The following HEPHL1 variants were observed in gnomAD, a reference collection of about 807,000 sequenced individuals.
The protein encoded by HEPHL1 is ferroxidase HEPHL1.
In HEPHL1, 123 loss-of-function variants were observed where a neutral mutation model predicts 122.0. That is an observed-to-expected ratio of 1.01 (90% CI 0.87 to 1.17). The LOEUF is 1.17. Among genes scored for constraint, HEPHL1 ranks in the 50% most tolerant of loss-of-function variants. HEPHL1 has a pLI of 0.00. For synonymous variants in HEPHL1, 527 were observed against 508.9 expected (o/e 1.04, Z -0.48); for missense variants, 1,452 against 1,430.5 (o/e 1.01, Z -0.24).
intron 12 of HEPHL1, among the ~76,000 whole-genome samples, chr11:94,090,647 T>A (rs1946257607): frequency 6.6e-6 from 1 of 152,178 alleles, no homozygotes; most frequent in Non-Finnish European, 1.5e-5. Flanking sequence ...TAGATAACAA[T>A]TCAGTATGGA....
intron 13 of HEPHL1, among the ~76,000 whole-genome samples, chr11:94,098,121 T>C (rs941190009): frequency 6.6e-6 from 1 of 152,244 alleles, no homozygotes; most frequent in African/African-American, 2.4e-5. Flanking sequence ...CGATGATCTT[T>C]ACAATTTGGC....
intron 2 of HEPHL1, among the ~76,000 whole-genome samples, 179 bp downstream of exon 2, chr11:94,046,096 T>TTTTTTTC (rs1945835214): frequency 1.8e-5 from 2 of 111,414 alleles, no homozygotes; most frequent in South Asian, 7.0e-4. Flanking sequence ...TCTTGCTTTT[T>TTTTTTTC]TTTTTTTTTT....
chr11:94,090,276 C>T (rs1356573187), intron 12 of HEPHL1, among the ~76,000 whole-genome samples: 1 of 152,062 alleles, frequency 6.6e-6, no homozygotes, highest in East Asian at 1.9e-4. Context: ...TCCAATCTGG[C>T]CCTTTCTAAA....
At position 94,082,514 on chromosome 11, in the gene HEPHL1, C is replaced by A; in HGVS notation, c.1813C>A (p.Pro605Thr). The A allele has an allele frequency of 6.2e-7, 1 of 1,613,276 alleles. No homozygotes were observed. Among genetic ancestry groups the A allele is most frequent in the Non-Finnish European group, 8.5e-7 (1 of 1,179,396 alleles). Residue 605 changes from proline (P) to threonine (T), a missense_variant, in exon 10 of 20, where the codon CCC (proline) becomes ACC (threonine). Pro to Thr is a conservative substitution (Grantham distance 38, BLOSUM62 -1). Coordinates refer to ENST00000315765, the MANE Select transcript of HEPHL1 (RefSeq NM_001098672.2). ...DENIQKFIWH[P>T]FSIDKEDKEF... ...AAACATTCAGAAGTTTATCTGGCAT[C>A]CCTTCAGCATTGACAAAGAAGATAA...
rs754353752 is a variant in HEPHL1 at position 94,070,547 on chromosome 11, G to A, written c.1232+5G>A. ...TCCTCTAAACGCCTCTGGCAGGTAA[G>A]CACCCTTTGTTGGTGTTTCTAAGCC... On this transcript the variant is annotated splice_donor_5th_base_variant and intron_variant, in intron 6 of 19. Coordinates refer to ENST00000315765, the MANE Select transcript of HEPHL1 (RefSeq NM_001098672.2). 2.9e-5 allele frequency: 46 copies of A among 1,605,522 alleles called. 1 individual carries two copies. Among genetic ancestry groups the A allele is most frequent in the African/African-American group, 1.1e-4 (8 of 74,702 alleles).
At position 94,101,295 on chromosome 11, in the gene HEPHL1, G is replaced by C. The variant is rs1432065252; in HGVS notation, c.2535G>C (p.Met845Ile). ...YSISAQGVEE[M>I]DSGKQFQVPM... ...TCTCAGCCCAGGGTGTGGAGGAGAT[G>C]GATAGTGGAAAGCAATTCCAAGTGC... The change falls in exon 14 of 20, where the codon ATG becomes ATC. Residue 845 changes from methionine to isoleucine, a missense_variant. Coordinates refer to ENST00000315765, the MANE Select transcript of HEPHL1 (RefSeq NM_001098672.2). 1 of 1,613,848 alleles carries C rather than the reference G, an allele frequency of 6.2e-7. No homozygotes were observed. The highest frequency in any genetic ancestry group is 8.5e-7 in the Non-Finnish European group (1 of 1,179,816).
intron 1 of HEPHL1, among the ~76,000 whole-genome samples, chr11:94,023,803 C>T (rs1055933745): frequency 1.3e-5 from 2 of 152,134 alleles, no homozygotes; most frequent in Admixed American, 6.6e-5. Context: ...ATGCAGTGGA[C>T]GTTGGCTTTT....
intron 8 of HEPHL1, 137 bp from the exon 9 acceptor site, chr11:94,075,037 A>T: frequency 1.5e-6 from 1 of 664,348 alleles, no homozygotes; most frequent in South Asian, 1.8e-5. Flanking sequence ...TTCTGGTAGG[A>T]TACATAAGAG....
intron 1 of HEPHL1, among the ~76,000 whole-genome samples, chr11:94,037,560 C>T (rs1465595801): frequency 2.0e-5 from 3 of 152,136 alleles, no homozygotes; most frequent in East Asian, 3.9e-4. Context: ...GGTCCCTGAC[C>T]CCTGACCCCC....
In HEPHL1 at chr11:94,106,124, T is replaced by G; in HGVS notation, c.3039T>G (p.Leu1013=). The G allele has an allele frequency of 6.4e-7, 1 of 1,556,208 alleles. No individual in the cohort carries two copies. Among genetic ancestry groups the G allele is most frequent in the Non-Finnish European group, 8.7e-7 (1 of 1,143,884 alleles). Reference sequence around the variant, plus strand: ...TCCATTATCATGCTGAGAGCTTTCTTTTCAAAGTAAGTATAAGGAAAGTGC... The same window carrying G: ...TCCATTATCATGCTGAGAGCTTTCTGTTCAAAGTAAGTATAAGGAAAGTGC... ...HTIHYHAESF[L]FKIDKSYRED... The change falls in exon 17 of 20, where the codon CTT becomes CTG. Residue 1013 remains leucine (L), a synonymous_variant. Coordinates refer to ENST00000315765, the MANE Select transcript of HEPHL1 (RefSeq NM_001098672.2).
chr11:94,021,595 G>A, intron 1 of HEPHL1, 57 bp downstream of exon 1: 1 of 1,336,482 alleles, frequency 7.5e-7, no homozygotes, highest in Non-Finnish European at 1.0e-6. Context: ...TTGACTTTGT[G>A]TGGGGAAGGT....
At chr11:94,071,473 C>T (rs1946073124) in intron 6 of HEPHL1, among the ~76,000 whole-genome samples, 1 of 152,056 alleles carries the variant, frequency 6.6e-6, no homozygotes. Context: ...TAGTATTTCT[C>T]CATAAACAGA....
intron 11 of HEPHL1, among the ~76,000 whole-genome samples, chr11:94,088,062 A>T (rs72968745): frequency 0.11 from 16,791 of 152,204 alleles, 965 homozygotes; most frequent in Admixed American, 0.14. Context: ...TGGTGAGTTA[A>T]GAAATATCTA....
intron 14 of HEPHL1, among the ~76,000 whole-genome samples, chr11:94,102,579 T>A (rs1162844107): frequency 6.6e-6 from 1 of 152,206 alleles, no homozygotes; most frequent in Non-Finnish European, 1.5e-5. Flanking sequence ...ATGACAAAGA[T>A]GTGCTCAAGG....
chr11:94,035,458 G>A (rs556241507), intron 1 of HEPHL1, among the ~76,000 whole-genome samples: 34 of 152,328 alleles, frequency 2.2e-4, no homozygotes, highest in African/African-American at 7.9e-4. Context: ...AAACAGAGGC[G>A]ATGCCTGTGG....
intron 13 of HEPHL1, among the ~76,000 whole-genome samples, chr11:94,095,944 A>G (rs1487444723): frequency 6.6e-6 from 1 of 152,214 alleles, no homozygotes; most frequent in African/African-American, 2.4e-5. Context: ...TTTTCTAAAT[A>G]TACAACCATG....
At chr11:94,067,849 T>G (rs1946046947) in intron 5 of HEPHL1, 99 bp downstream of exon 5, 4 of 933,196 alleles carry the variant, frequency 4.3e-6, no homozygotes, top group Non-Finnish European at 6.5e-6. Context: ...GATAGAGCCT[T>G]GTATGTACTA....
chr11:94,109,667 C>A (rs371529327), intron 17 of HEPHL1, among the ~76,000 whole-genome samples: 9 of 152,086 alleles, frequency 5.9e-5, no homozygotes, highest in African/African-American at 2.2e-4. Flanking sequence ...TTTTTAAACA[C>A]TTTTTCATTC....
intron 1 of HEPHL1, among the ~76,000 whole-genome samples, chr11:94,035,683 G>T (rs988621403): frequency 6.6e-6 from 1 of 152,188 alleles, no homozygotes; most frequent in Non-Finnish European, 1.5e-5. Context: ...TATGACAAAG[G>T]CAGGCAGAGG....
Sources: gnomAD v4.1 joint callset for allele counts (sites outside exome capture counted in the v4.1 genomes callset) on GRCh38, gnomAD v4.1.1 for gene constraint, MANE v1.5 for transcripts, NCBI Gene and HGNC (gene_info 2026-07-23, HGNC 2026-07-21) for gene names.